Variants in FBXO17 observed in about 807,000 individuals in gnomAD.
FBXO17 encodes the protein F-box protein 17, also known as F-box only protein 17.
In FBXO17, 43 loss-of-function variants were observed where a neutral mutation model predicts 34.1. The ratio of observed to expected loss-of-function variants is 1.26; its 90% CI spans 0.99 to 1.62. The LOEUF is 1.62. FBXO17 is among the 40% of genes most tolerant of loss of function. The pLI is 0.00. For synonymous variants in FBXO17, 169 were observed against 166.0 expected, an observed-to-expected ratio of 1.02 and a Z score of -0.14; for missense variants, 424 against 386.7, an observed-to-expected ratio of 1.10 and a Z score of -0.81.
chr19:38,947,605 C>CA (rs897964318), intron 3 of FBXO17, among the ~76,000 whole-genome samples: 17 of 151,676 alleles, frequency 1.1e-4, no homozygotes, highest in Middle Eastern at 6.8e-3. Flanking sequence ...AAAACAAAAA[C>CA]AAAAAAAACA....
chr19:38,954,577 TG>T (rs1568441595), intron 1 of FBXO17, among the ~76,000 whole-genome samples: 2 of 135,080 alleles, frequency 1.5e-5, no homozygotes, highest in African/African-American at 2.8e-5. Context: ...GCCGAGAATG[TG>T]TTTTTTTTTT....
chr19:38,948,269 C>A (rs1975016333), intron 3 of FBXO17, among the ~76,000 whole-genome samples: 1 of 152,234 alleles, frequency 6.6e-6, no homozygotes, highest in African/African-American at 2.4e-5. Flanking sequence ...AGCCACCGTG[C>A]CCGGCCCAAA....
rs1037249466 is a variant in FBXO17 at position 38,961,591 on chromosome 19, A to G, written c.-17-11255T>C. ...CTCCCAGCCGATATGGAACATTTCT[A>G]TTGCCCCAAAAGGTTTATCCCTTCC... On this transcript the variant is annotated intron_variant, in intron 1 of 5. Coordinates refer to ENST00000292852, the MANE Select transcript of FBXO17 (RefSeq NM_024907.7). Among the ~76,000 whole-genome samples the G allele has an allele frequency of 8.6e-5, 13 of 151,458 alleles. 1 individual carries two copies. The highest frequency in any genetic ancestry group is 3.2e-4 in the African/African-American group (13 of 41,218).
chr19:38,942,766 G>A lies in FBXO17; in HGVS notation c.694-15C>T, dbSNP rs767740549. 1.9e-6 allele frequency: 3 copies of A among 1,596,206 alleles called. No homozygotes were observed. Among genetic ancestry groups the A allele is most frequent in the Non-Finnish European group, 2.6e-6 (3 of 1,173,254 alleles). On this transcript the variant is annotated splice_polypyrimidine_tract_variant and intron_variant, in intron 5 of 5. Transcript: ENST00000292852. ...ACGTGGGAGACCTGCAGGGGGAAGG[G>A]GAGTGAGAGGGTGAGGGCCTGCGGG...
chr19:38,948,679 CTG>C lies in FBXO17; in HGVS notation c.350-3_350-2del, dbSNP rs1299043644. ...TCCACCTCCCAGCCTCTGAAGCCCTCTGTGGGAAAACAAGAGTTGAACATATG... is the reference window on the plus strand; with the variant it reads ...TCCACCTCCCAGCCTCTGAAGCCCTCTGGGAAAACAAGAGTTGAACATATG... On this transcript the variant is annotated splice_acceptor_variant and splice_polypyrimidine_tract_variant and intron_variant, in intron 2 of 5. Transcript: ENST00000292852. LOFTEE classifies it high-confidence loss of function. 5.6e-6 allele frequency: 9 copies of C among 1,613,446 alleles called. No individual in the cohort carries two copies. The highest frequency in any genetic ancestry group is 7.6e-6 in the Non-Finnish European group (9 of 1,179,726).
At chr19:38,956,736 C>T (rs189174962) in intron 1 of FBXO17, among the ~76,000 whole-genome samples, 48 of 151,878 alleles carry the variant, frequency 3.2e-4, no homozygotes, top group African/African-American at 1.2e-3. Flanking sequence ...AAAAATTAGC[C>T]AGGCATGGTG....
rs149200092 is a variant in FBXO17 at position 38,969,965 on chromosome 19, A to G, written c.-18+5621T>C. ...CCCCATGACCCAGCAACTCCACCCC[A>G]GAGCCAGAAAACACATACAAGAATA... On this transcript the variant is annotated intron_variant, in intron 1 of 5. Transcript: ENST00000292852. Among the ~76,000 whole-genome samples the G allele has an allele frequency of 4.0e-3, 615 of 152,128 alleles. 9 individuals are homozygous for G. The highest frequency in any genetic ancestry group is 0.014 in the African/African-American group (577 of 41,512).
intron 3 of FBXO17, 157 bp from the exon 4 acceptor site, chr19:38,946,724 A>C (rs1018096543): frequency 2.8e-6 from 3 of 1,060,778 alleles, no homozygotes; most frequent in Admixed American, 5.3e-5. Context: ...TGGGCTATAC[A>C]TCTCTCCTTG....
chr19:38,969,692 GT>G (rs1210216741), intron 1 of FBXO17, among the ~76,000 whole-genome samples: 1 of 147,712 alleles, frequency 6.8e-6, no homozygotes, highest in African/African-American at 2.5e-5. Flanking sequence ...CACCTTCTGG[GT>G]TCAAGTGATT....
chr19:38,960,198 C>T (rs1238190309), intron 1 of FBXO17, among the ~76,000 whole-genome samples: 2 of 152,028 alleles, frequency 1.3e-5, no homozygotes, highest in Non-Finnish European at 2.9e-5. Flanking sequence ...AAATTCTGCA[C>T]AAAAAATACC....
At chr19:38,963,698 C>T (rs1366785137) in intron 1 of FBXO17, among the ~76,000 whole-genome samples, 6 of 152,038 alleles carry the variant, frequency 3.9e-5, no homozygotes, top group African/African-American at 1.4e-4. Flanking sequence ...GTATGATGGA[C>T]ATTTGGGTTG....
chr19:38,970,880 C>G (rs1200606754), intron 1 of FBXO17, among the ~76,000 whole-genome samples: 1 of 151,884 alleles, frequency 6.6e-6, no homozygotes, highest in Non-Finnish European at 1.5e-5. Flanking sequence ...GCAGGCAGAT[C>G]ACTTGAGGTC....
At chr19:38,956,331 G>A (rs1163727189) in intron 1 of FBXO17, among the ~76,000 whole-genome samples, 1 of 151,516 alleles carries the variant, frequency 6.6e-6, no homozygotes. Flanking sequence ...GCCTGACACA[G>A]GCTTATTTCT....
At chr19:38,974,140 G>A (rs1254181618) in intron 1 of FBXO17, among the ~76,000 whole-genome samples, 3 of 148,754 alleles carry the variant, frequency 2.0e-5, no homozygotes, top group Non-Finnish European at 4.4e-5. Context: ...GGAGTGCAAT[G>A]GCACAATCTT....
intron 1 of FBXO17, among the ~76,000 whole-genome samples, chr19:38,963,297 CTTT>C (rs1555752021): frequency 6.6e-5 from 5 of 75,858 alleles, no homozygotes; most frequent in Admixed American, 1.6e-4. Flanking sequence ...TTCACTCATA[CTTT>C]TTTTTTTTTT....
At chr19:38,943,894 A>C (rs1974931974) in intron 5 of FBXO17, among the ~76,000 whole-genome samples, 1 of 152,054 alleles carries the variant, frequency 6.6e-6, no homozygotes, top group Non-Finnish European at 1.5e-5. Context: ...CCGGCCCAAA[A>C]TTCATTTTTT....
At chr19:38,974,369 C>T (rs980010257) in intron 1 of FBXO17, among the ~76,000 whole-genome samples, 5 of 151,996 alleles carry the variant, frequency 3.3e-5, no homozygotes, top group Non-Finnish European at 5.9e-5. Context: ...TGAGCCACCG[C>T]GCACGCCCGG....
At chr19:38,972,172 C>A in intron 1 of FBXO17, among the ~76,000 whole-genome samples, 1 of 152,058 alleles carries the variant, frequency 6.6e-6, no homozygotes, top group Non-Finnish European at 1.5e-5. Context: ...CAGACTGAGA[C>A]CCCCACTGGG....
At chr19:38,944,178 C>T (rs1214845919) in intron 5 of FBXO17, among the ~76,000 whole-genome samples, 4 of 152,124 alleles carry the variant, frequency 2.6e-5, no homozygotes, top group East Asian at 1.9e-4. Flanking sequence ...ATTTCTTTTC[C>T]GTGGCTGCAT....
Sources: gnomAD v4.1 joint callset for allele counts (sites outside exome capture counted in the v4.1 genomes callset) on GRCh38, gnomAD v4.1.1 for gene constraint, MANE v1.5 for transcripts, NCBI Gene and HGNC (gene_info 2026-07-23, HGNC 2026-07-21) for gene names.